The following HMCN1 variants were observed in gnomAD, a reference collection of about 807,000 sequenced individuals.
The protein encoded by HMCN1 is hemicentin-1.
HMCN1 carries 321 observed loss-of-function variants against 625.9 expected under a neutral mutation model. The observed-to-expected ratio is 0.51, with a 90% CI of 0.47 to 0.56. The LOEUF (loss-of-function observed/expected upper bound fraction) is 0.56. Among genes scored for constraint, HMCN1 ranks in the 20% least tolerant of loss-of-function variants. The pLI, the probability that HMCN1 is intolerant of heterozygous loss-of-function variation, is 0.00. For missense variants in HMCN1, 6,588 were observed against 6,887.3 expected (o/e 0.96, Z 1.54); for synonymous variants, 2,425 against 2,417.6 (o/e 1.00, Z -0.09).
intron 36 of HMCN1, among the ~76,000 whole-genome samples, chr1:186,025,696 G>A (rs747465953): frequency 1.3e-5 from 2 of 152,130 alleles, no homozygotes; most frequent in African/African-American, 2.4e-5. Flanking sequence ...GTTGGTTGAC[G>A]GGAGATGCAA....
chr1:186,099,638 GA>G (rs1660299159), intron 68 of HMCN1, among the ~76,000 whole-genome samples: 1 of 152,088 alleles, frequency 6.6e-6, no homozygotes, highest in South Asian at 2.1e-4. Flanking sequence ...GGATTATATG[GA>G]TAAAACAACA....
At chr1:185,988,916 C>T in intron 20 of HMCN1, among the ~76,000 whole-genome samples, 1 of 152,056 alleles carries the variant, frequency 6.6e-6, no homozygotes. Flanking sequence ...ATTCACTGTA[C>T]CATCCTTATC....
At chr1:186,053,108 A>G in intron 43 of HMCN1, 34 bp downstream of exon 43, 1 of 1,545,150 alleles carries the variant, frequency 6.5e-7, no homozygotes, top group Non-Finnish European at 8.9e-7. Context: ...ATAAAATTAA[A>G]GAAAATATAA....
chr1:186,133,504 A>G (rs1662057450), intron 86 of HMCN1, among the ~76,000 whole-genome samples: 1 of 152,130 alleles, frequency 6.6e-6, no homozygotes, highest in African/African-American at 2.4e-5. Flanking sequence ...CCCACTGGAG[A>G]GTTTACAGAA....
At chr1:185,992,277 CAG>C (rs533879214) in intron 22 of HMCN1, among the ~76,000 whole-genome samples, 56 of 152,218 alleles carry the variant, frequency 3.7e-4, no homozygotes, top group Non-Finnish European at 7.4e-4. Context: ...TTAAGGAGCA[CAG>C]TGTATTAATC....
Position 186,082,881 on chromosome 1 carries a change from T to A in HMCN1, c.8804T>A (p.Ile2935Lys). The change falls in exon 57 of 107, where the codon ATA becomes AAA. Residue 2935 changes from isoleucine (I) to lysine (K), a missense_variant. Ile to Lys is a moderately radical substitution (Grantham distance 102). Coordinates refer to ENST00000271588, the MANE Select transcript of HMCN1 (RefSeq NM_031935.3). ...TTCCCTTAGATTCTGAATACTCAAA[T>A]AACAGATATCGGCAGGTATGTGTGT... ...GRILQILNTQ[I>K]TDIGRYVCVA... 1 of 1,583,396 alleles carries A rather than the reference T, an allele frequency of 6.3e-7. No homozygotes were observed. The highest frequency in any genetic ancestry group is 8.6e-7 in the Non-Finnish European group (1 of 1,162,906).
intron 102 of HMCN1, 40 bp downstream of exon 102, chr1:186,172,171 C>T (rs72707476): frequency 0.021 from 33,705 of 1,610,088 alleles, 1,148 homozygotes; most frequent in African/African-American, 0.16. Context: ...ATCAGTTTGC[C>T]GTCAACAAGT....
At chr1:186,054,374 T>G (rs959795663) in intron 44 of HMCN1, among the ~76,000 whole-genome samples, 2 of 152,052 alleles carry the variant, frequency 1.3e-5, no homozygotes, top group South Asian at 2.1e-4. Flanking sequence ...GATAGTTATA[T>G]ACTCATTTAA....
intron 11 of HMCN1, among the ~76,000 whole-genome samples, chr1:185,934,318 T>C (rs12068829): frequency 0.048 from 7,328 of 152,212 alleles, 422 homozygotes; most frequent in African/African-American, 0.13. Context: ...TATTGAAACA[T>C]AAGCAGAGTG....
At chr1:185,770,718 T>G (rs541853785) in intron 1 of HMCN1, among the ~76,000 whole-genome samples, 2 of 152,370 alleles carry the variant, frequency 1.3e-5, no homozygotes, top group African/African-American at 4.8e-5. Context: ...TTTATACTTT[T>G]TACATTCCCA....
chr1:185,904,751 C>A (rs34431275), intron 4 of HMCN1, among the ~76,000 whole-genome samples: 1,977 of 151,860 alleles, frequency 0.013, 29 homozygotes, highest in South Asian at 0.022. Context: ...ATGCAAATGG[C>A]AGTTGTGAAG....
At position 186,095,553 on chromosome 1, in the gene HMCN1, T is replaced by C. The variant is rs373005547; in HGVS notation, c.10573+32T>C. The C allele has an allele frequency of 7.5e-6, 12 of 1,601,604 alleles. No individual in the cohort carries two copies. In the Middle Eastern group the frequency reaches 5.0e-4, roughly 66 times the overall value. ...AAACATTGTGGTAAATGTAGAATAA[T>C]TGGAAAGTAAGTGATAGTGAATGTT... On this transcript the variant is annotated intron_variant, in intron 68 of 106. Transcript: ENST00000271588.
At chr1:185,829,230 T>A (rs1268029517) in intron 1 of HMCN1, among the ~76,000 whole-genome samples, 1 of 152,028 alleles carries the variant, frequency 6.6e-6, no homozygotes, top group Non-Finnish European at 1.5e-5. Flanking sequence ...AAAATACAAT[T>A]GAAGCCTGGG....
chr1:186,162,686 C>T (rs534097525), intron 97 of HMCN1, among the ~76,000 whole-genome samples: 2 of 152,244 alleles, frequency 1.3e-5, no homozygotes, highest in East Asian at 3.9e-4. Flanking sequence ...CACTCCAGAC[C>T]CTGTTTGCCT....
rs774672660 is a variant in HMCN1, at chr1:185,933,624, T to C, written c.1628T>C (p.Ile543Thr). ...GAGAGAGCAGTTTTAACATGTCTCA[T>C]CATCAGTGCGGTGGATTACAATCTA... ...PGERAVLTCL[I>T]ISAVDYNLTW... The change falls in exon 11 of 107, where the codon ATC becomes ACC. Residue 543 changes from isoleucine (I) to threonine (T), a missense_variant. By Grantham distance (89) the Ile-to-Thr change is moderately conservative (BLOSUM62 -1). Around this residue, in one of 3 missense-constraint regions of HMCN1, gnomAD observed 4,628 missense variants for 4,853.1 expected, o/e 0.95. Transcript: ENST00000271588. 3 of 1,614,006 alleles carry C rather than the reference T, an allele frequency of 1.9e-6. No homozygotes were observed. The highest frequency in any genetic ancestry group is 1.3e-5 in the African/African-American group (1 of 75,048).
At chr1:185,990,863 T>C (rs552989133) in intron 22 of HMCN1, among the ~76,000 whole-genome samples, 27 of 152,328 alleles carry the variant, frequency 1.8e-4, no homozygotes, top group African/African-American at 6.5e-4. Flanking sequence ...TATACAAATA[T>C]GAGCACATTG....
In HMCN1 at chr1:186,103,468, A is replaced by C; in HGVS notation, c.10574-4A>C. 1 of 1,610,616 alleles carries C rather than the reference A, an allele frequency of 6.2e-7. No individual in the cohort carries two copies. The highest frequency in any genetic ancestry group is 8.5e-7 in the Non-Finnish European group (1 of 1,176,928). On this transcript the variant is annotated splice_region_variant and splice_polypyrimidine_tract_variant and intron_variant, in intron 68 of 106. Transcript: ENST00000271588. ...TATTATTATTTTTGATTCCCTTTAA[A>C]TAGAACCACCTCACATTAATGGATC...
In HMCN1 at chr1:186,061,833, G is replaced by T. The variant is rs1200718249; in HGVS notation, c.7313-18G>T. On this transcript the variant is annotated intron_variant, in intron 46 of 106. Transcript: ENST00000271588. ...TTTTCTTTTTAAGTTATCTTAAAAA[G>T]ATGGTTTGCTTCTGCAGGAGGCAGG... 10 of 1,541,150 alleles carry T rather than the reference G, an allele frequency of 6.5e-6. No homozygotes were observed. Among genetic ancestry groups the T allele is most frequent in the Non-Finnish European group, 9.0e-6 (10 of 1,115,114 alleles).
At chr1:185,864,044 T>A (rs1221523025) in intron 2 of HMCN1, among the ~76,000 whole-genome samples, 4 of 152,210 alleles carry the variant, frequency 2.6e-5, no homozygotes, top group Non-Finnish European at 5.9e-5. Flanking sequence ...GGCAGGCATC[T>A]GGCTGCTTCT....
Sources: gnomAD v4.1 joint callset for allele counts (sites outside exome capture counted in the v4.1 genomes callset) on GRCh38, gnomAD v4.1.1 for gene constraint, gnomAD v4.1.1 regional missense constraint, MANE v1.5 for transcripts, NCBI Gene and HGNC (gene_info 2026-07-23, HGNC 2026-07-21) for gene names.